The following LARP6 variants were observed in gnomAD, a reference collection of about 807,000 sequenced individuals.
LARP6 encodes la-related protein 6.
A neutral mutation model predicts 32.8 loss-of-function variants in LARP6; 18 were observed. The ratio of observed to expected loss-of-function variants is 0.55; its 90% confidence interval spans 0.38 to 0.81. The LOEUF (loss-of-function observed/expected upper bound fraction) is 0.81. LARP6 is among the 40% of genes least tolerant of loss of function. The pLI is 0.00. For synonymous variants in LARP6, 289 were observed against 267.2 expected (o/e 1.08, Z -0.80); for missense variants, 598 against 663.1 (o/e 0.90, Z 1.08).
intron 1 of LARP6, among the ~76,000 whole-genome samples, chr15:70,841,016 C>T (rs1451821192): frequency 1.3e-5 from 2 of 151,692 alleles, no homozygotes; most frequent in African/African-American, 4.8e-5. Context: ...TGGGTTCATG[C>T]CATTCTCCTG....
intron 1 of LARP6, among the ~76,000 whole-genome samples, chr15:70,847,531 G>A (rs1285080216): frequency 6.6e-6 from 1 of 152,040 alleles, no homozygotes; most frequent in Non-Finnish European, 1.5e-5. Flanking sequence ...CACCATGCCT[G>A]GCTAATTTTT....
intron 1 of LARP6, among the ~76,000 whole-genome samples, chr15:70,838,620 C>T (rs1483789022): frequency 6.6e-6 from 1 of 152,152 alleles, no homozygotes; most frequent in Non-Finnish European, 1.5e-5. Flanking sequence ...GTGATGAGAA[C>T]AAGCCAAAGC....
At chr15:70,841,842 A>T (rs1409835068) in intron 1 of LARP6, among the ~76,000 whole-genome samples, 1 of 152,046 alleles carries the variant, frequency 6.6e-6, no homozygotes, top group Non-Finnish European at 1.5e-5. Context: ...AGAGCCAATC[A>T]AGCCTCTTTT....
chr15:70,847,572 T>C (rs779588758), intron 1 of LARP6, among the ~76,000 whole-genome samples: 4 of 152,032 alleles, frequency 2.6e-5, no homozygotes, highest in Non-Finnish European at 5.9e-5. Context: ...TGTTTCATCG[T>C]ATTGGCCAGG....
chr15:70,846,014 G>A (rs2032339626), intron 1 of LARP6, among the ~76,000 whole-genome samples: 1 of 152,124 alleles, frequency 6.6e-6, no homozygotes, highest in Non-Finnish European at 1.5e-5. Context: ...CTTTCCACTG[G>A]CAGACAGAAA....
chr15:70,847,395 T>C (rs1001384074), intron 1 of LARP6, among the ~76,000 whole-genome samples: 8 of 151,862 alleles, frequency 5.3e-5, no homozygotes, highest in Non-Finnish European at 1.5e-5. Flanking sequence ...TTAAATATGT[T>C]GTCTCACTCT....
At chr15:70,837,409 A>T (rs1398337997) in intron 1 of LARP6, among the ~76,000 whole-genome samples, 3 of 152,154 alleles carry the variant, frequency 2.0e-5, no homozygotes, top group Admixed American at 6.6e-5. Flanking sequence ...TAATTATTAT[A>T]ATAACACCCT....
At chr15:70,853,724 G>A (rs946732752) in intron 1 of LARP6, among the ~76,000 whole-genome samples, 165 bp downstream of exon 1, 2 of 152,164 alleles carry the variant, frequency 1.3e-5, no homozygotes, top group African/African-American at 4.8e-5. Flanking sequence ...CTGCCTCCAC[G>A]GGCCGGTTCT....
chr15:70,849,696 G>A (rs1450971554), intron 1 of LARP6: 36 of 152,126 alleles, frequency 2.4e-4, no homozygotes, highest in Admixed American at 2.3e-3. Context: ...TAGACATTTT[G>A]AGCACCAAAA....
Position 70,836,427 on chromosome 15 carries a change from G to C in LARP6, c.279C>G (p.Ile93Met). The C allele has an allele frequency of 2.5e-6, 4 of 1,614,102 alleles. No homozygotes were observed. The highest frequency in any genetic ancestry group is 2.5e-6 in the Non-Finnish European group (3 of 1,180,020). ...QEWKPPDEEL[I>M]KKLVDQIEFY... ...ATTCGATCTGATCCACCAGTTTCTT[G>C]ATCAACTCCTCATCCGGGGGCTTCC... Residue 93 changes from isoleucine to methionine, a missense_variant, in exon 2 of 3, where the codon ATC (isoleucine) becomes ATG (methionine). Physicochemically the swap from Ile to Met is conservative, Grantham distance 10. Coordinates refer to ENST00000299213, the MANE Select transcript of LARP6 (RefSeq NM_018357.4).
chr15:70,853,836 C>G lies in LARP6; in HGVS notation c.200+53G>C, dbSNP rs898864640. 2.5e-6 allele frequency: 3 copies of G among 1,189,618 alleles called. No individual in the cohort carries two copies. The African/African-American group carries it at 4.8e-5, about 19-fold the overall frequency. The allele number at this position is 1,189,618 out of a possible 1,614,324, so 73.7% of individuals were successfully genotyped here. A position where few individuals can be genotyped will look rare whatever the true frequency, so the allele number is the denominator to read the frequency against. ...GCGCAGTCAGCGCCCCGAACTCGCG[C>G]GCGGCCCGGCGCCCCCTCGGGGCCC... On this transcript the variant is annotated intron_variant, in intron 1 of 2. Coordinates refer to ENST00000299213, the MANE Select transcript of LARP6 (RefSeq NM_018357.4).
intron 1 of LARP6, chr15:70,851,565 G>C: frequency 5.1e-6 from 8 of 1,564,182 alleles, no homozygotes; most frequent in Non-Finnish European, 6.9e-6. Context: ...GTCTAGGGAA[G>C]GGGAAACACA....
At chr15:70,847,153 G>A (rs1595955385) in intron 1 of LARP6, among the ~76,000 whole-genome samples, 1 of 152,160 alleles carries the variant, frequency 6.6e-6, no homozygotes, top group South Asian at 2.1e-4. Flanking sequence ...TCCTTTGAGG[G>A]AGGAAGTATG....
Position 70,832,343 on chromosome 15 carries a change from C to G in LARP6, c.1185G>C (p.Lys395Asn), listed in dbSNP as rs1159892528. The change falls in exon 3 of 3, where the codon AAG (lysine) becomes AAC (asparagine). Residue 395 changes from lysine to asparagine, a missense_variant. Physicochemically the swap from Lys to Asn is moderately conservative, Grantham distance 94. Transcript: ENST00000299213. ...GTCTACCTTCCTCCGCCAGTGGGGA[C>G]TTTCTGGAAACGCCTTTGCGTTGGG... is the stretch of plus-strand genomic sequence containing the variant. ...PLAQRKGVSRKSPLAEEGRLN... is the reference protein window; with the variant it reads ...PLAQRKGVSRNSPLAEEGRLN... 1 of 1,614,084 alleles carries G rather than the reference C, an allele frequency of 6.2e-7. No homozygotes were observed. The highest frequency in any genetic ancestry group is 1.1e-5 in the South Asian group (1 of 91,088).
chr15:70,853,697 G>A (rs1317500417), intron 1 of LARP6, among the ~76,000 whole-genome samples, 192 bp downstream of exon 1: 3 of 152,160 alleles, frequency 2.0e-5, no homozygotes, highest in African/African-American at 7.2e-5. Flanking sequence ...CGACGAAGCT[G>A]CGGGCTGGGG....
At chr15:70,836,579 T>G in intron 1 of LARP6, 74 bp from the exon 2 acceptor site, 1 of 1,208,466 alleles carries the variant, frequency 8.3e-7, no homozygotes, top group Non-Finnish European at 1.2e-6. Context: ...TATGCTGAAG[T>G]CCTGACCCCC....
chr15:70,843,873 C>A (rs984207033), intron 1 of LARP6, among the ~76,000 whole-genome samples: 1 of 151,452 alleles, frequency 6.6e-6, no homozygotes, highest in Non-Finnish European at 1.5e-5. Context: ...CCAGGCTGGC[C>A]TCAAACTCCT....
At chr15:70,841,208 C>T (rs1444146941) in intron 1 of LARP6, among the ~76,000 whole-genome samples, 2 of 152,180 alleles carry the variant, frequency 1.3e-5, no homozygotes, top group African/African-American at 2.4e-5. Flanking sequence ...CCACCGCGCC[C>T]GGCCGGGCAG....
chr15:70,833,008 G>A lies in LARP6; in HGVS notation c.520C>T (p.Pro174Ser). The change falls in exon 3 of 3, where the codon CCA (proline) becomes TCA (serine). Residue 174 changes from proline to serine, a missense_variant. Pro to Ser is a moderately conservative substitution (Grantham distance 74). This residue lies in a region of LARP6 where 69 missense variants were observed against 116.7 expected (regional missense o/e 0.59). Coordinates refer to ENST00000299213, the MANE Select transcript of LARP6 (RefSeq NM_018357.4). ...HRKVRRTTPVPLFPNENLPSK... is the reference protein window; with the variant it reads ...HRKVRRTTPVSLFPNENLPSK... ...GGGAGGTTCTCGTTGGGGAACAGTG[G>A]GACGGGGGTGGTCCTCCTCACCTTC... 5 of 1,613,438 alleles carry A rather than the reference G, an allele frequency of 3.1e-6. No individual in the cohort carries two copies. The highest frequency in any genetic ancestry group is 4.2e-6 in the Non-Finnish European group (5 of 1,179,654).
Sources: gnomAD v4.1 joint callset for allele counts (sites outside exome capture counted in the v4.1 genomes callset) on GRCh38, gnomAD v4.1.1 for gene constraint, gnomAD v4.1.1 regional missense constraint, MANE v1.5 for transcripts, NCBI Gene and HGNC (gene_info 2026-07-23, HGNC 2026-07-21) for gene names.